Variants in NCAM1 observed in about 807,000 individuals in gnomAD.
NCAM1 encodes neural cell adhesion molecule 1.
Under a neutral mutation model 109.8 loss-of-function variants are expected in NCAM1, and 14 were observed. That is an observed-to-expected ratio of 0.13 (90% confidence interval 0.08 to 0.20). NCAM1 has a LOEUF of 0.20. NCAM1 is among the 10% of genes least tolerant of loss of function. NCAM1 has a pLI of 1.00. For missense variants in NCAM1, 774 were observed against 1,109.9 expected (o/e 0.70, Z 4.30); for synonymous variants, 418 against 442.9 (o/e 0.94, Z 0.70).
chr11:112,981,706 T>A (rs917094449), intron 1 of NCAM1, among the ~76,000 whole-genome samples: 1 of 151,910 alleles, frequency 6.6e-6, no homozygotes. Context: ...AGAGTAGGCA[T>A]GCAGAGGGAG....
intron 1 of NCAM1, among the ~76,000 whole-genome samples, chr11:113,143,836 G>A (rs781940790): frequency 2.0e-5 from 3 of 152,098 alleles, no homozygotes; most frequent in East Asian, 1.9e-4. Context: ...TCTTATTTGC[G>A]GCATGGCATT....
intron 1 of NCAM1, among the ~76,000 whole-genome samples, chr11:113,025,576 T>C (rs964976675): frequency 2.6e-5 from 4 of 152,102 alleles, no homozygotes; most frequent in Non-Finnish European, 5.9e-5. Context: ...AAATGCTGTA[T>C]GCTCCAGAGA....
rs575101339 is a variant in NCAM1, at chr11:113,145,602, G to A, written c.53-56777G>A. ...CTTCTTTTTAAACACCTGTCTATCC[G>A]TAGTCTTCTTCATTGCTATACAATT... On this transcript the variant is annotated intron_variant, in intron 1 of 19. Transcript: ENST00000316851. 4.9e-4 allele frequency among the ~76,000 whole-genome samples: 74 copies of A among 152,188 alleles called. 1 individual carries two copies. Among genetic ancestry groups the A allele is most frequent in the African/African-American group, 1.7e-3 (70 of 41,542 alleles).
intron 1 of NCAM1, among the ~76,000 whole-genome samples, chr11:113,109,129 C>G (rs1446929114): frequency 6.6e-6 from 1 of 151,440 alleles, no homozygotes; most frequent in Non-Finnish European, 1.5e-5. Flanking sequence ...TGGTGGATCA[C>G]CTGAGGTCAG....
At chr11:113,248,904 T>C (rs2137483217) in intron 15 of NCAM1, among the ~76,000 whole-genome samples, 1 of 152,230 alleles carries the variant, frequency 6.6e-6, no homozygotes, top group Admixed American at 6.5e-5. Context: ...GATGCAAACT[T>C]TGATTCTAAG....
chr11:113,145,239 A>G (rs115412450), intron 1 of NCAM1, among the ~76,000 whole-genome samples: 1,905 of 152,304 alleles, frequency 0.013, 37 homozygotes, highest in African/African-American at 0.043. Context: ...AATTCACAAA[A>G]CAGACCTTTG....
At position 113,206,862 on chromosome 11, in the gene NCAM1, G is replaced by T. The variant is rs1005437467; in HGVS notation, c.629-399G>T. On this transcript the variant is annotated intron_variant, in intron 5 of 19. Coordinates refer to ENST00000316851, the MANE Select transcript of NCAM1 (RefSeq NM_181351.5). ...TTGGTGTTAACCATTTAACCACTGG[G>T]AGCAGTAATGTCCAACTTTTTCCAG... Among the ~76,000 whole-genome samples the T allele has an allele frequency of 1.4e-4, 22 of 152,266 alleles. No homozygotes were observed. In the East Asian group the frequency reaches 4.2e-3, roughly 29 times the overall value.
chr11:113,052,306 T>A (rs1555081933), intron 1 of NCAM1, among the ~76,000 whole-genome samples: 1 of 152,180 alleles, frequency 6.6e-6, no homozygotes, highest in Non-Finnish European at 1.5e-5. Context: ...TTTGAAACAT[T>A]GTTAATTACA....
At chr11:113,269,346 A>G (rs960145210) in intron 17 of NCAM1, among the ~76,000 whole-genome samples, 5 of 152,200 alleles carry the variant, frequency 3.3e-5, no homozygotes, top group Non-Finnish European at 5.9e-5. Flanking sequence ...CCAGGGTGCC[A>G]GGTGCTAGAA....
chr11:113,275,498 G>T lies in NCAM1; in HGVS notation c.*111G>T. The T allele has an allele frequency of 7.9e-7, 1 of 1,260,482 alleles. No homozygotes were observed. Among genetic ancestry groups the T allele is most frequent in the Non-Finnish European group, 1.1e-6 (1 of 915,212 alleles). 78.1% of individuals were successfully genotyped at this position (1,260,482 alleles called of 1,614,324 possible). A position where few individuals can be genotyped will look rare whatever the true frequency, so the allele number is the denominator to read the frequency against. On this transcript the variant is annotated 3_prime_UTR_variant, in exon 20 of 20. Transcript: ENST00000316851. ...CGCACGCACACACACAAACACACAT[G>T]CACACACACACATCTCATTTCTCTA...
At chr11:113,091,991 T>C (rs1341163474) in intron 1 of NCAM1, among the ~76,000 whole-genome samples, 1 of 152,018 alleles carries the variant, frequency 6.6e-6, no homozygotes, top group African/African-American at 2.4e-5. Context: ...CGAGTTCTGA[T>C]TTAAGAAATA....
chr11:113,088,697 T>A (rs1555088762), intron 1 of NCAM1, among the ~76,000 whole-genome samples: 8 of 152,236 alleles, frequency 5.3e-5, no homozygotes, highest in Non-Finnish European at 1.2e-4. Flanking sequence ...GCTACAGGTG[T>A]ATGTAGGAAA....
intron 1 of NCAM1, among the ~76,000 whole-genome samples, chr11:113,062,562 G>T (rs1744057237): frequency 6.6e-6 from 1 of 152,118 alleles, no homozygotes; most frequent in Non-Finnish European, 1.5e-5. Context: ...CATGCTAAGT[G>T]CCAACAGACA....
chr11:113,002,195 C>T (rs1951772299), intron 1 of NCAM1, among the ~76,000 whole-genome samples: 1 of 152,162 alleles, frequency 6.6e-6, no homozygotes, highest in Admixed American at 6.5e-5. Context: ...CAGTTGTTTC[C>T]TCAGAGATAC....
intron 1 of NCAM1, among the ~76,000 whole-genome samples, chr11:113,178,494 A>C (rs916439058): frequency 6.6e-6 from 1 of 152,196 alleles, no homozygotes; most frequent in Non-Finnish European, 1.5e-5. Context: ...GTGACAGTGC[A>C]TCCAGGCTGG....
chr11:113,068,147 G>A (rs555438881), intron 1 of NCAM1, among the ~76,000 whole-genome samples: 9 of 152,136 alleles, frequency 5.9e-5, no homozygotes, highest in South Asian at 2.1e-4. Flanking sequence ...TCCTGACCTC[G>A]TGATCCACCC....
Position 113,273,425 on chromosome 11 carries a change from T to C in NCAM1, c.2456+1549T>C, listed in dbSNP as rs1946332956. The C allele has an allele frequency of 6.2e-6, 2 of 324,630 alleles. No homozygotes were observed. Among genetic ancestry groups the C allele is most frequent in the Non-Finnish European group, 1.2e-5 (2 of 163,662 alleles). 20.1% of individuals were successfully genotyped at this position (324,630 alleles called of 1,614,324 possible). A position where few individuals can be genotyped will look rare whatever the true frequency, so the allele number is the denominator to read the frequency against. On this transcript the variant is annotated intron_variant, in intron 19 of 19. Coordinates refer to ENST00000316851, the MANE Select transcript of NCAM1 (RefSeq NM_181351.5). This position sits in a 1 kb window ranked among gnomAD's most constrained non-coding sequence, Gnocchi z 6.0. ...CGGCTGCCCCTGCCACAGAAGCCCC[T>C]CAGGCCAAGCAGGAGGCTCCCAGCA...
At chr11:113,132,412 G>A (rs1555098488) in intron 1 of NCAM1, among the ~76,000 whole-genome samples, 1 of 152,116 alleles carries the variant, frequency 6.6e-6, no homozygotes, top group African/African-American at 2.4e-5. Context: ...GTTCAGTCCT[G>A]CCTCAGCTCT....
chr11:113,047,290 T>G (rs1953303409), intron 1 of NCAM1, among the ~76,000 whole-genome samples: 1 of 152,078 alleles, frequency 6.6e-6, no homozygotes, highest in Non-Finnish European at 1.5e-5. Context: ...TGTAATAAAA[T>G]CATGATGAAA....
Sources: allele counts gnomAD v4.1 joint callset (sites outside exome capture counted in the v4.1 genomes callset), GRCh38; gene constraint gnomAD v4.1.1; non-coding constraint Gnocchi (gnomAD v3.1); transcripts MANE v1.5; gene names NCBI Gene and HGNC (gene_info 2026-07-23, HGNC 2026-07-21).